CNTN5: variants seen among roughly 807,000 people sequenced by gnomAD.
CNTN5 encodes contactin-5.
In CNTN5, 77 loss-of-function variants were observed where a neutral mutation model predicts 129.1. That is an observed-to-expected ratio of 0.60 (90% CI 0.50 to 0.72). CNTN5 has a LOEUF of 0.72. Among genes scored for constraint, CNTN5 ranks in the 30% least tolerant of loss-of-function variants. The pLI, the probability that CNTN5 is intolerant of heterozygous loss-of-function variation, is 0.00. For missense variants in CNTN5, 1,478 were observed against 1,328.8 expected (o/e 1.11, Z -1.75); for synonymous variants, 509 against 465.6 (o/e 1.09, Z -1.20).
intron 2 of CNTN5, among the ~76,000 whole-genome samples, chr11:99,472,142 C>T (rs1173183208): frequency 6.6e-6 from 1 of 152,092 alleles, no homozygotes. Flanking sequence ...ATTTCCCCTG[C>T]AAGTCTCCAT....
At chr11:99,201,022 C>CTT (rs755605041) in intron 1 of CNTN5, among the ~76,000 whole-genome samples, 23,312 of 83,012 alleles carry the variant, frequency 0.28, 3,849 homozygotes, top group Admixed American at 0.33. Flanking sequence ...TCCTTCCTTC[C>CTT]TTTTTTTTTT....
chr11:99,290,751 G>A (rs1024646806), intron 1 of CNTN5, among the ~76,000 whole-genome samples: 9 of 151,724 alleles, frequency 5.9e-5, no homozygotes, highest in East Asian at 1.9e-4. Flanking sequence ...TGTATACTAC[G>A]AAGATTCTTG....
intron 3 of CNTN5, among the ~76,000 whole-genome samples, chr11:99,579,825 C>T (rs1205576638): frequency 6.6e-6 from 1 of 150,998 alleles, no homozygotes; most frequent in Non-Finnish European, 1.5e-5. Flanking sequence ...CCTTTATTCC[C>T]TTCTCCTGCC....
chr11:99,736,028 CTT>C lies in CNTN5; in HGVS notation c.56-83514_56-83513del, dbSNP rs567975876. Among the ~76,000 whole-genome samples, 282 of 151,886 alleles carry C rather than the reference CTT, an allele frequency of 1.9e-3. 1 individual carries two copies. The highest frequency in any genetic ancestry group is 3.3e-3 in the South Asian group (16 of 4,812). The stretch of plus-strand genomic sequence containing the variant: ...CTTTTTCTTTCTCTTTTTTTTCTCT[CTT>C]TCTTTTTCTTTCTCTTTCTCTGTCC... On this transcript the variant is annotated intron_variant, in intron 3 of 24. Coordinates refer to ENST00000524871, the MANE Select transcript of CNTN5 (RefSeq NM_014361.4).
At chr11:100,085,626 A>G in intron 13 of CNTN5, among the ~76,000 whole-genome samples, 1 of 152,208 alleles carries the variant, frequency 6.6e-6, no homozygotes, top group African/African-American at 2.4e-5. Flanking sequence ...AATAGGACTG[A>G]CTGAGCATTG....
At chr11:99,874,119 G>A (rs750260801) in intron 6 of CNTN5, among the ~76,000 whole-genome samples, 3 of 152,078 alleles carry the variant, frequency 2.0e-5, no homozygotes, top group Non-Finnish European at 2.9e-5. Flanking sequence ...TGTTCACTGG[G>A]TAATGGATAC....
chr11:100,294,928 C>A (rs1434985418), intron 18 of CNTN5, among the ~76,000 whole-genome samples: 1 of 151,554 alleles, frequency 6.6e-6, no homozygotes, highest in African/African-American at 2.4e-5. Context: ...TGATTAGCTG[C>A]ATGTAATTAG....
intron 13 of CNTN5, among the ~76,000 whole-genome samples, chr11:100,096,967 A>T (rs1000687313): frequency 1.3e-5 from 2 of 152,134 alleles, no homozygotes; most frequent in Non-Finnish European, 1.5e-5. Flanking sequence ...TTTGGCAGAG[A>T]AACCCAGTGT....
At chr11:100,283,901 G>A (rs1296221660) in intron 18 of CNTN5, among the ~76,000 whole-genome samples, 3 of 151,920 alleles carry the variant, frequency 2.0e-5, no homozygotes, top group Non-Finnish European at 2.9e-5. Flanking sequence ...AGCCAAGATC[G>A]GGCCATTGCA....
intron 1 of CNTN5, among the ~76,000 whole-genome samples, chr11:99,186,799 T>A (rs1472880375): frequency 1.3e-5 from 2 of 151,928 alleles, no homozygotes; most frequent in Non-Finnish European, 2.9e-5. Context: ...AAAGTATTAC[T>A]TATTAAAAGA....
intron 13 of CNTN5, among the ~76,000 whole-genome samples, chr11:100,101,797 C>G (rs1945233616): frequency 6.6e-6 from 1 of 152,144 alleles, no homozygotes; most frequent in Non-Finnish European, 1.5e-5. Flanking sequence ...ATCCTCGTAG[C>G]TTAGCTTCCA....
At chr11:99,372,403 CAT>C (rs1432062830) in intron 2 of CNTN5, among the ~76,000 whole-genome samples, 1 of 152,154 alleles carries the variant, frequency 6.6e-6, no homozygotes, top group Non-Finnish European at 1.5e-5. Context: ...GTGTAACACA[CAT>C]GTCACTGAAT....
intron 9 of CNTN5, among the ~76,000 whole-genome samples, chr11:100,050,334 A>G (rs946987733): frequency 6.6e-6 from 1 of 152,180 alleles, no homozygotes; most frequent in African/African-American, 2.4e-5. Flanking sequence ...AGGGACATGG[A>G]TGAAATTGGA....
At chr11:99,492,380 G>C (rs1331069741) in intron 2 of CNTN5, among the ~76,000 whole-genome samples, 3 of 152,040 alleles carry the variant, frequency 2.0e-5, no homozygotes, top group African/African-American at 4.8e-5. Flanking sequence ...CTTTAAACTG[G>C]AAGAATTTAT....
chr11:99,085,578 T>C (rs1021524684), intron 1 of CNTN5, among the ~76,000 whole-genome samples: 9 of 152,178 alleles, frequency 5.9e-5, no homozygotes, highest in African/African-American at 2.2e-4. Flanking sequence ...GTAAGAGTTT[T>C]TCTAAGAGTC....
intron 2 of CNTN5, among the ~76,000 whole-genome samples, chr11:99,354,096 T>C (rs894062171): frequency 6.6e-6 from 1 of 152,212 alleles, no homozygotes; most frequent in African/African-American, 2.4e-5. Context: ...ATTAACGTGA[T>C]ACCTCCCTTA....
intron 3 of CNTN5, among the ~76,000 whole-genome samples, chr11:99,809,459 G>T (rs1038276338): frequency 6.6e-6 from 1 of 151,876 alleles, no homozygotes; most frequent in Non-Finnish European, 1.5e-5. Flanking sequence ...ATCATTTCAC[G>T]TTAAATAAAT....
intron 6 of CNTN5, among the ~76,000 whole-genome samples, chr11:99,883,210 A>T (rs952193416): frequency 2.6e-5 from 4 of 152,094 alleles, no homozygotes; most frequent in African/African-American, 9.7e-5. Flanking sequence ...TGACATACTG[A>T]TTTCTTTTGG....
At chr11:99,178,890 A>AGGGT (rs1382785147) in intron 1 of CNTN5, among the ~76,000 whole-genome samples, 1 of 152,124 alleles carries the variant, frequency 6.6e-6, no homozygotes, top group Non-Finnish European at 1.5e-5. Context: ...AAATACCCAA[A>AGGGT]TTGTGCCAGA....
Sources: allele counts gnomAD v4.1 joint callset (sites outside exome capture counted in the v4.1 genomes callset), GRCh38; gene constraint gnomAD v4.1.1; transcripts MANE v1.5; gene names NCBI Gene and HGNC (gene_info 2026-07-23, HGNC 2026-07-21).